Variants in ZNF211 observed in about 807,000 individuals in gnomAD.
ZNF211 encodes zinc finger protein C2H2-25.
In ZNF211, 18 loss-of-function variants were observed where a neutral mutation model predicts 12.1. The observed-to-expected ratio is 1.48, with a 90% CI of 1.03 to 2.20. The LOEUF (loss-of-function observed/expected upper bound fraction) is 2.20, where lower values mean the gene tolerates loss of function less well. Ranked by LOEUF, ZNF211 falls within the 30% of genes most tolerant of loss-of-function variation. The probability of loss-of-function intolerance (pLI) is 0.00; values close to 1 mark genes in which losing one functional copy is unlikely to be tolerated. For missense variants in ZNF211, 677 were observed against 703.1 expected (o/e 0.96, Z 0.42); for synonymous variants, 249 against 246.0 (o/e 1.01, Z -0.11).
chr19:57,643,465 T>C lies in ZNF211; in HGVS notation c.*1284T>C, dbSNP rs142842295. 1.2e-3 allele frequency among the ~76,000 whole-genome samples: 189 copies of C among 152,254 alleles called. No homozygotes were observed. Among genetic ancestry groups the C allele is most frequent in the African/African-American group, 4.4e-3 (183 of 41,540 alleles). On this transcript the variant is annotated 3_prime_UTR_variant, in exon 4 of 4. Transcript: ENST00000240731. ...GGGATGTGCACCTCAAGAACATTGC[T>C]GCATAGGCCAGGAAAACAAGCATAG...
intron 3 of ZNF211, among the ~76,000 whole-genome samples, chr19:57,638,681 C>T (rs12610500): frequency 0.18 from 27,472 of 152,068 alleles, 2,639 homozygotes; most frequent in East Asian, 0.32. Context: ...GGGGAATGTA[C>T]ATTCTGTTGT....
chr19:57,638,850 G>A (rs1982474599), intron 3 of ZNF211, among the ~76,000 whole-genome samples: 1 of 152,092 alleles, frequency 6.6e-6, no homozygotes, highest in South Asian at 2.1e-4. Context: ...CTTCAGTTCT[G>A]TCCATTTTTG....
At chr19:57,636,158 T>C (rs897679594) in intron 3 of ZNF211, among the ~76,000 whole-genome samples, 1 of 152,216 alleles carries the variant, frequency 6.6e-6, no homozygotes, top group Non-Finnish European at 1.5e-5. Context: ...TTATCAGATA[T>C]GTGATTTGCA....
At position 57,642,028 on chromosome 19, in the gene ZNF211, T is replaced by C. The variant is rs140455403; in HGVS notation, c.1581T>C (p.Cys527=). 3 of 1,614,162 alleles carry C rather than the reference T, an allele frequency of 1.9e-6. No individual in the cohort carries two copies. Among genetic ancestry groups the C allele is most frequent in the Non-Finnish European group, 2.5e-6 (3 of 1,179,986 alleles). The change falls in exon 4 of 4, where the codon TGT becomes TGC. Residue 527 remains cysteine (C), a synonymous_variant. Transcript: ENST00000240731. Reference sequence around the variant, plus strand: ...AAAGGCCTTATGAGTGCAGTGAATGTGGGAAATCCTTTAGCCAAAGTTCTA... The same window carrying C: ...AAAGGCCTTATGAGTGCAGTGAATGCGGGAAATCCTTTAGCCAAAGTTCTA... ...TGERPYECSE[C]GKSFSQSSSL...
chr19:57,641,134 C>G lies in ZNF211; in HGVS notation c.687C>G (p.Asn229Lys). The G allele has an allele frequency of 6.2e-7, 1 of 1,614,186 alleles. No individual in the cohort carries two copies. Among genetic ancestry groups the G allele is most frequent in the Non-Finnish European group, 8.5e-7 (1 of 1,180,014 alleles). ...TQTGEKPNNS[N>K]KCAVAFYSGK... is the part of the protein sequence containing the mutation. ...CAGGGGAGAAGCCAAATAACAGTAA[C>G]AAGTGTGCGGTGGCCTTTTACAGTG... Residue 229 changes from asparagine (N) to lysine (K), a missense_variant, in exon 4 of 4, where the codon AAC becomes AAG. Asn to Lys is a moderately conservative substitution (Grantham distance 94). Transcript: ENST00000240731.
At chr19:57,640,088 A>G (rs1450536847) in intron 3 of ZNF211, 2 of 1,532,390 alleles carry the variant, frequency 1.3e-6, no homozygotes, top group Admixed American at 2.0e-5. Flanking sequence ...AAATTGCACC[A>G]GGAACCTGTC....
At chr19:57,636,301 A>G (rs1249958790) in intron 3 of ZNF211, among the ~76,000 whole-genome samples, 1 of 152,182 alleles carries the variant, frequency 6.6e-6, no homozygotes, top group African/African-American at 2.4e-5. Context: ...ATCATATCCA[A>G]GGAATCATTA....
chr19:57,634,528 C>T (rs1169442815), intron 2 of ZNF211, 101 bp from the exon 3 acceptor site: 5 of 1,391,374 alleles, frequency 3.6e-6, no homozygotes, highest in South Asian at 3.5e-5. Flanking sequence ...TCTGGTGTCT[C>T]TTCTGACTTG....
At position 57,641,023 on chromosome 19, in the gene ZNF211, T is replaced by A; in HGVS notation, c.576T>A (p.His192Gln). 1 of 1,614,224 alleles carries A rather than the reference T, an allele frequency of 6.2e-7. No individual in the cohort carries two copies. The highest frequency in any genetic ancestry group is 8.5e-7 in the Non-Finnish European group (1 of 1,180,040). Residue 192 changes from histidine (H) to glutamine (Q), a missense_variant, in exon 4 of 4, where the codon CAT becomes CAA. Physicochemically the swap from His to Gln is conservative, Grantham distance 24. Coordinates refer to ENST00000240731, the MANE Select transcript of ZNF211 (RefSeq NM_006385.5). The stretch of plus-strand genomic sequence containing the variant: ...CGTTTACACAGAGTTGCATAGTCCA[T>A]GTGTCGGAGAAACCCTTTACCTGCA... ...TASFTQSCIV[H>Q]VSEKPFTCRE...
Position 57,641,903 on chromosome 19 carries a change from A to C in ZNF211, c.1456A>C (p.Arg486=). Reference sequence around the variant, plus strand: ...TAGCTCCAACCTTAAGAACCACCAGAGAGTTCACACTGGAGAAAGACCTGT... The same window carrying C: ...TAGCTCCAACCTTAAGAACCACCAGCGAGTTCACACTGGAGAAAGACCTGT... ...SHSSNLKNHQ[R]VHTGERPVEC... is the part of the protein sequence containing the mutation. The change falls in exon 4 of 4, where the codon AGA becomes CGA. Residue 486 remains arginine, a synonymous_variant. Transcript: ENST00000240731. 6.2e-7 allele frequency: 1 copy of C among 1,614,240 alleles called. No individual in the cohort carries two copies. Among genetic ancestry groups the C allele is most frequent in the Non-Finnish European group, 8.5e-7 (1 of 1,180,034 alleles).
chr19:57,640,017 A>G, intron 3 of ZNF211: 2 of 1,536,068 alleles, frequency 1.3e-6, no homozygotes, highest in Non-Finnish European at 8.7e-7. Context: ...AGATGGGATC[A>G]GAGAGGGCCT....
rs530061417 is a variant in ZNF211 at position 57,634,099 on chromosome 19, T to C, written c.129+38T>C. Reference sequence around the variant, plus strand: ...ATCTCAGCCCCTCACTGGTCTGGAATGTCCCTCCACCCTCCCCAGACAGAT... The same window carrying C: ...ATCTCAGCCCCTCACTGGTCTGGAACGTCCCTCCACCCTCCCCAGACAGAT... On this transcript the variant is annotated intron_variant, in intron 2 of 3. Coordinates refer to ENST00000240731, the MANE Select transcript of ZNF211 (RefSeq NM_006385.5). 10 of 1,530,494 alleles carry C rather than the reference T, an allele frequency of 6.5e-6. No homozygotes were observed. In the East Asian group the frequency reaches 2.3e-4, roughly 34 times the overall value. The allele number at this position is 1,530,494 out of a possible 1,614,324, so 94.8% of individuals were successfully genotyped here.
chr19:57,636,455 A>T (rs1455715466), intron 3 of ZNF211, among the ~76,000 whole-genome samples: 3 of 152,158 alleles, frequency 2.0e-5, no homozygotes, highest in Non-Finnish European at 4.4e-5. Context: ...ACATGTAGAT[A>T]TCCAGTTTTC....
chr19:57,641,937 G>C lies in ZNF211; in HGVS notation c.1490G>C (p.Ser497Thr), dbSNP rs201237077. ...ACTGGAGAAAGACCTGTTGAGTGCAGTGAATGTAGCAAATCCTTTAGCTGT... is the reference window on the plus strand; with the variant it reads ...ACTGGAGAAAGACCTGTTGAGTGCACTGAATGTAGCAAATCCTTTAGCTGT... Reference protein sequence around the residue: ...VHTGERPVECSECSKSFSCKS... With the variant: ...VHTGERPVECTECSKSFSCKS... Residue 497 changes from serine (S) to threonine (T), a missense_variant, in exon 4 of 4, where the codon AGT becomes ACT. Ser to Thr is a moderately conservative substitution (Grantham distance 58). Transcript: ENST00000240731. 20 of 1,614,122 alleles carry C rather than the reference G, an allele frequency of 1.2e-5. No individual in the cohort carries two copies. Among genetic ancestry groups the C allele is most frequent in the Non-Finnish European group, 1.5e-5 (18 of 1,180,024 alleles).
In ZNF211 at chr19:57,633,212, C is replaced by T. The variant is rs187290810; in HGVS notation, c.-135C>T. 431 of 899,254 alleles carry T rather than the reference C, an allele frequency of 4.8e-4. 3 individuals carry two copies. In the African/African-American group the frequency reaches 6.2e-3, roughly 13 times the overall value. 55.7% of individuals were successfully genotyped at this position (899,254 alleles called of 1,614,324 possible). A position where few individuals can be genotyped will look rare whatever the true frequency, so the allele number is the denominator to read the frequency against. On this transcript the variant is annotated 5_prime_UTR_variant, in exon 1 of 4. Coordinates refer to ENST00000240731, the MANE Select transcript of ZNF211 (RefSeq NM_006385.5). ...CTTCGCAGCGGTCATTTTGGCTGCCCTCCCGGAGGTCCGTTCTGTCTGTCA... is the reference window on the plus strand; with the variant it reads ...CTTCGCAGCGGTCATTTTGGCTGCCTTCCCGGAGGTCCGTTCTGTCTGTCA...
At position 57,634,526 on chromosome 19, in the gene ZNF211, C is replaced by T. The variant is rs556312998; in HGVS notation, c.130-103C>T. 2.9e-6 allele frequency: 4 copies of T among 1,368,064 alleles called. No homozygotes were observed. The African/African-American group carries it at 5.9e-5, about 20-fold the overall frequency. The allele number at this position is 1,368,064 out of a possible 1,614,324, so 84.7% of individuals were successfully genotyped here. On this transcript the variant is annotated intron_variant, in intron 2 of 3. Coordinates refer to ENST00000240731, the MANE Select transcript of ZNF211 (RefSeq NM_006385.5). Reference sequence around the variant, plus strand: ...GATCAATGACACCAAGGTCTGGTGTCTCTTCTGACTTGGGGATCTTGGGAG... The same window carrying T: ...GATCAATGACACCAAGGTCTGGTGTTTCTTCTGACTTGGGGATCTTGGGAG...
rs755153168 is a variant in ZNF211, at chr19:57,641,878, T to C, written c.1431T>C (p.His477=). 1 of 1,611,778 alleles carries C rather than the reference T, an allele frequency of 6.2e-7. No homozygotes were observed. The highest frequency in any genetic ancestry group is 8.5e-7 in the Non-Finnish European group (1 of 1,179,246). Residue 477 remains histidine (H), a synonymous_variant, in exon 4 of 4, where the codon CAT becomes CAC. Transcript: ENST00000240731. ...VCGECGKSFS[H]SSNLKNHQRV... is the part of the protein sequence containing the mutation. ...GGGAATGTGGGAAATCCTTTAGCCA[T>C]AGCTCCAACCTTAAGAACCACCAGA...
intron 3 of ZNF211, among the ~76,000 whole-genome samples, chr19:57,639,403 A>T (rs4801505): frequency 0.023 from 439 of 19,472 alleles, no homozygotes; most frequent in Middle Eastern, 0.17. Flanking sequence ...CATTTCCTTT[A>T]TGTACTTTTT....
intron 3 of ZNF211, among the ~76,000 whole-genome samples, chr19:57,637,606 C>T (rs1236721364): frequency 5.9e-5 from 9 of 152,118 alleles, no homozygotes; most frequent in South Asian, 2.1e-4. Flanking sequence ...TCTATCTGGT[C>T]GTAGTGCATA....
Sources: gnomAD v4.1 joint callset for allele counts (sites outside exome capture counted in the v4.1 genomes callset) on GRCh38, gnomAD v4.1.1 for gene constraint, MANE v1.5 for transcripts, NCBI Gene and HGNC (gene_info 2026-07-23, HGNC 2026-07-21) for gene names.